The following SLCO3A1 variants were observed in gnomAD, a reference collection of about 807,000 sequenced individuals.
The protein encoded by SLCO3A1 is PGE1 transporter.
SLCO3A1 carries 27 observed loss-of-function variants against 63.1 expected under a neutral mutation model. That is an observed-to-expected ratio of 0.43 (90% CI 0.32 to 0.59). The LOEUF is 0.59. Ranked by LOEUF, SLCO3A1 falls within the 20% of genes least tolerant of loss-of-function variation. The pLI, the probability that SLCO3A1 is intolerant of heterozygous loss-of-function variation, is 0.09. For missense variants in SLCO3A1, 773 were observed against 945.8 expected, an observed-to-expected ratio of 0.82 and a Z score of 2.40; for synonymous variants, 473 against 409.9, an observed-to-expected ratio of 1.15 and a Z score of -1.86.
chr15:92,067,624 A>G (rs867189478), intron 2 of SLCO3A1, among the ~76,000 whole-genome samples: 31 of 152,326 alleles, frequency 2.0e-4, no homozygotes, highest in South Asian at 4.1e-4. Flanking sequence ...CTCATTAAGC[A>G]TCGTCTAACT....
chr15:91,914,567 C>CT (rs556314311), intron 1 of SLCO3A1, among the ~76,000 whole-genome samples: 32,550 of 122,210 alleles, frequency 0.27, 5,380 homozygotes, highest in East Asian at 0.7. Context: ...TATTTTCTTC[C>CT]TTTTTTTTTT....
chr15:91,915,320 C>A (rs942594543), intron 1 of SLCO3A1, among the ~76,000 whole-genome samples: 1 of 151,994 alleles, frequency 6.6e-6, no homozygotes, highest in Non-Finnish European at 1.5e-5. Flanking sequence ...TACAAAAAAA[C>A]GGGGGAAATC....
At chr15:91,932,022 T>C (rs930392852) in intron 2 of SLCO3A1, among the ~76,000 whole-genome samples, 1 of 152,146 alleles carries the variant, frequency 6.6e-6, no homozygotes, top group African/African-American at 2.4e-5. Flanking sequence ...CTTAGAAAGC[T>C]TTGGCTGGTA....
rs947069564 is a variant in SLCO3A1 at position 91,941,945 on chromosome 15, C to T, written c.646+25487C>T. Among the ~76,000 whole-genome samples, 7 of 152,228 alleles carry T rather than the reference C, an allele frequency of 4.6e-5. No individual in the cohort carries two copies. The highest frequency in any genetic ancestry group is 1.7e-4 in the African/African-American group (7 of 41,440). ...ACAAATGGGGGCTTGCACCAGCGTA[C>T]TGGCTGAGGACTGCCTGCCTTTGAG... On this transcript the variant is annotated intron_variant, in intron 2 of 9. Coordinates refer to ENST00000318445, the MANE Select transcript of SLCO3A1 (RefSeq NM_013272.4). This position sits in a 1 kb window ranked among gnomAD's most constrained non-coding sequence, Gnocchi z 4.4.
At chr15:91,928,707 T>C (rs1273659947) in intron 2 of SLCO3A1, among the ~76,000 whole-genome samples, 1 of 152,152 alleles carries the variant, frequency 6.6e-6, no homozygotes, top group Non-Finnish European at 1.5e-5. Flanking sequence ...GTCTGATGGG[T>C]CTGGGGTATT....
rs534235161 is a variant in SLCO3A1, at chr15:92,141,812, T to C, written c.1513-5172T>C. On this transcript the variant is annotated intron_variant, in intron 7 of 9. Coordinates refer to ENST00000318445, the MANE Select transcript of SLCO3A1 (RefSeq NM_013272.4). ...TGCACCCATCTCCCTTAGCACAACG[T>C]TGGACAAATCTGGGCTCTTATGTCA... 2.9e-4 allele frequency among the ~76,000 whole-genome samples: 44 copies of C among 152,304 alleles called. 1 individual carries two copies. The highest frequency in any genetic ancestry group is 1.2e-4 in the Non-Finnish European group (8 of 68,018).
chr15:92,003,361 G>A lies in SLCO3A1; in HGVS notation c.646+86903G>A, dbSNP rs17695293. Among the ~76,000 whole-genome samples, 3 of 152,166 alleles carry A rather than the reference G, an allele frequency of 2.0e-5. No individual in the cohort carries two copies. In the South Asian group the frequency reaches 6.2e-4, roughly 32 times the overall value. On this transcript the variant is annotated intron_variant, in intron 2 of 9. Transcript: ENST00000318445. ...CCCCTAGTGGTTAGTGCTAACAAAT[G>A]TCTCGGCTTCAGAGAAGATACACTA...
At chr15:92,030,549 T>C (rs757085844) in intron 2 of SLCO3A1, among the ~76,000 whole-genome samples, 1 of 152,202 alleles carries the variant, frequency 6.6e-6, no homozygotes, top group African/African-American at 2.4e-5. Context: ...ACATGAACTT[T>C]GAAGAACTCT....
At chr15:92,135,260 T>C (rs1028109851) in intron 7 of SLCO3A1, among the ~76,000 whole-genome samples, 7 of 152,184 alleles carry the variant, frequency 4.6e-5, no homozygotes, top group Admixed American at 3.3e-4. Flanking sequence ...CTATGTTAGA[T>C]AGCTGGAGCA....
chr15:91,962,847 G>A (rs1900501332), intron 2 of SLCO3A1, among the ~76,000 whole-genome samples: 2 of 152,172 alleles, frequency 1.3e-5, no homozygotes, highest in African/African-American at 4.8e-5. Context: ...CTGGAGCCGG[G>A]TACAGGGAGA....
chr15:92,147,449 C>A (rs1432682621), intron 8 of SLCO3A1, among the ~76,000 whole-genome samples: 2 of 152,136 alleles, frequency 1.3e-5, no homozygotes, highest in Non-Finnish European at 2.9e-5. Context: ...TTACAGGACG[C>A]AGCCTCGTTG....
At chr15:91,880,405 C>CTGTGTGTGTGTGTGTGTGTGTGTGTGTG (rs1234294258) in intron 1 of SLCO3A1, among the ~76,000 whole-genome samples, 5 of 142,386 alleles carry the variant, frequency 3.5e-5, no homozygotes, top group African/African-American at 1.4e-4. Context: ...CTCTCTCTCT[C>CTGTGTGTGTGTGTGTGTGTGTGTGTGTG]TCTCTGTGTG....
At chr15:92,021,839 C>G (rs1271560207) in intron 2 of SLCO3A1, among the ~76,000 whole-genome samples, 2 of 151,996 alleles carry the variant, frequency 1.3e-5, no homozygotes, top group Non-Finnish European at 2.9e-5. Flanking sequence ...CTAGGGACGC[C>G]CGAGGGAGGC....
At chr15:92,162,714 G>A (rs1314871107) in intron 9 of SLCO3A1, 42 bp from the exon 10 acceptor site, 1 of 1,570,156 alleles carries the variant, frequency 6.4e-7, no homozygotes, top group Non-Finnish European at 8.6e-7. Context: ...GGGAGCACTG[G>A]CCACCAGATC....
intron 2 of SLCO3A1, among the ~76,000 whole-genome samples, chr15:91,990,020 T>C (rs1408111848): frequency 6.6e-6 from 1 of 152,216 alleles, no homozygotes; most frequent in Non-Finnish European, 1.5e-5. Context: ...ATGAGCTCAG[T>C]CCATGTAGTG....
At chr15:91,999,810 G>C (rs1241041780) in intron 2 of SLCO3A1, among the ~76,000 whole-genome samples, 1 of 152,194 alleles carries the variant, frequency 6.6e-6, no homozygotes, top group Non-Finnish European at 1.5e-5. Context: ...AAAATTGTAA[G>C]ATCACTTTGG....
chr15:92,035,381 C>T (rs2046712643), intron 2 of SLCO3A1, among the ~76,000 whole-genome samples: 1 of 151,714 alleles, frequency 6.6e-6, no homozygotes, highest in African/African-American at 2.4e-5. Context: ...TCGTATGGCC[C>T]AAAGGGATAC....
At chr15:92,071,557 G>T (rs893821680) in intron 2 of SLCO3A1, among the ~76,000 whole-genome samples, 6 of 152,286 alleles carry the variant, frequency 3.9e-5, no homozygotes, top group African/African-American at 1.4e-4. Flanking sequence ...CGGAATAATT[G>T]TCCGCCAGCA....
chr15:92,170,493 A>T (rs1340031793), downstream of SLCO3A1, among the ~76,000 whole-genome samples: 2 of 152,200 alleles, frequency 1.3e-5, no homozygotes, highest in Middle Eastern at 3.2e-3. Context: ...CTAAGATCAC[A>T]TAGCTAGTTT....
Sources: allele counts gnomAD v4.1 joint callset (sites outside exome capture counted in the v4.1 genomes callset), GRCh38; gene constraint gnomAD v4.1.1; non-coding constraint Gnocchi (gnomAD v3.1); transcripts MANE v1.5; gene names NCBI Gene and HGNC (gene_info 2026-07-23, HGNC 2026-07-21).